The following ENTREP2 variants were observed in gnomAD, a reference collection of about 807,000 sequenced individuals.
ENTREP2 encodes endosomal transmembrane epsin interactor 2.
the ENTREP2 span, among the ~76,000 whole-genome samples, chr15:29,525,632 G>A: frequency 6.6e-6 from 1 of 152,204 alleles, no homozygotes; most frequent in Non-Finnish European, 1.5e-5. Context: ...AAAAAGGCCA[G>A]TCTCAAAAGG....
chr15:29,439,284 TACACACACACACACACACACAC>T, the ENTREP2 span, among the ~76,000 whole-genome samples: 10 of 97,090 alleles, frequency 1.0e-4, no homozygotes, highest in East Asian at 2.6e-4. Context: ...AAATTGGAAT[TACACACACACACACACACACAC>T]ACACACACAC....
At chr15:29,521,419 A>G in the ENTREP2 span, among the ~76,000 whole-genome samples, 4 of 152,248 alleles carry the variant, frequency 2.6e-5, no homozygotes, top group South Asian at 8.3e-4. Flanking sequence ...ATGTTAACAG[A>G]CAATTCTCCA....
the ENTREP2 span, among the ~76,000 whole-genome samples, chr15:29,160,470 T>G: frequency 9.1e-3 from 1,391 of 152,118 alleles, 18 homozygotes; most frequent in African/African-American, 0.031. Context: ...TCAGCACTTT[T>G]GGAGGCTAAG....
At chr15:29,553,764 C>G in the ENTREP2 span, among the ~76,000 whole-genome samples, 1 of 152,172 alleles carries the variant, frequency 6.6e-6, no homozygotes, top group South Asian at 2.1e-4. Context: ...GGCTGAGGCC[C>G]CAGCTGCCAG....
the ENTREP2 span, among the ~76,000 whole-genome samples, chr15:29,561,753 A>C: frequency 1.3e-5 from 2 of 151,904 alleles, no homozygotes; most frequent in Non-Finnish European, 2.9e-5. Context: ...GGAAATATAA[A>C]ATTATGACTT....
chr15:29,278,102 C>T, the ENTREP2 span, among the ~76,000 whole-genome samples: 9 of 152,118 alleles, frequency 5.9e-5, no homozygotes, highest in Non-Finnish European at 7.4e-5. Flanking sequence ...ACACAGGCCC[C>T]GCCTCTCTGA....
chr15:29,252,404 A>G, the ENTREP2 span: 1 of 1,551,348 alleles, frequency 6.4e-7, no homozygotes, highest in Admixed American at 2.0e-5. Flanking sequence ...CTAGCTGAGC[A>G]TTCTGACAAG....
At chr15:29,330,835 T>C in the ENTREP2 span, among the ~76,000 whole-genome samples, 1 of 152,250 alleles carries the variant, frequency 6.6e-6, no homozygotes, top group Non-Finnish European at 1.5e-5. Context: ...CTGGGAATTC[T>C]TTACACTATC....
At chr15:29,351,333 G>A in the ENTREP2 span, among the ~76,000 whole-genome samples, 2 of 152,164 alleles carry the variant, frequency 1.3e-5, no homozygotes, top group East Asian at 1.9e-4. Context: ...GTCTGTCATC[G>A]ATGGACCATT....
chr15:29,418,856 G>A, the ENTREP2 span, among the ~76,000 whole-genome samples: 1 of 152,240 alleles, frequency 6.6e-6, no homozygotes, highest in East Asian at 1.9e-4. Flanking sequence ...CCAGTTCTGG[G>A]GGAAACCCCA....
the ENTREP2 span, among the ~76,000 whole-genome samples, chr15:29,634,164 C>G: frequency 3.7e-4 from 57 of 152,188 alleles, no homozygotes; most frequent in African/African-American, 1.2e-3. Flanking sequence ...CAAGTGCCTG[C>G]TGTAGGGGAG....
the ENTREP2 span, among the ~76,000 whole-genome samples, chr15:29,440,883 G>A: frequency 6.6e-5 from 10 of 152,192 alleles, no homozygotes; most frequent in African/African-American, 2.2e-4. Flanking sequence ...CAGCCACACT[G>A]TCTCCCCATC....
the ENTREP2 span, chr15:29,610,217 C>T: frequency 6.6e-6 from 1 of 150,616 alleles, no homozygotes; most frequent in African/African-American, 2.4e-5. Flanking sequence ...ACGTACCATC[C>T]AATCTTTGTC....
At chr15:29,438,526 G>T in the ENTREP2 span, among the ~76,000 whole-genome samples, 2 of 151,932 alleles carry the variant, frequency 1.3e-5, no homozygotes, top group Non-Finnish European at 2.9e-5. Context: ...TGGAAATGCC[G>T]CAGCTGACCA....
chr15:29,202,907 C>G, the ENTREP2 span, among the ~76,000 whole-genome samples: 9 of 152,138 alleles, frequency 5.9e-5, no homozygotes, highest in Non-Finnish European at 1.3e-4. Context: ...TGGGTTGGTT[C>G]CAAGTCTTTG....
At chr15:29,510,422 T>C in the ENTREP2 span, among the ~76,000 whole-genome samples, 39,879 of 152,078 alleles carry the variant, frequency 0.26, 5,569 homozygotes, top group East Asian at 0.38. Context: ...GGATTATAAA[T>C]CATTCTACTA....
the ENTREP2 span, among the ~76,000 whole-genome samples, chr15:29,659,377 G>A: frequency 1.4e-4 from 22 of 152,226 alleles, no homozygotes; most frequent in Admixed American, 5.9e-4. Context: ...AGGCTGAGGC[G>A]GAAGAGTTGC....
the ENTREP2 span, among the ~76,000 whole-genome samples, chr15:29,155,049 A>G: frequency 4.7e-4 from 72 of 151,640 alleles, 1 homozygote; most frequent in Non-Finnish European, 7.4e-4. Context: ...TTGGGAGGCC[A>G]AGGTGGGTGG....
chr15:29,390,741 A>C, the ENTREP2 span, among the ~76,000 whole-genome samples: 1 of 152,174 alleles, frequency 6.6e-6, no homozygotes, highest in Admixed American at 6.5e-5. Flanking sequence ...TAACACTGAA[A>C]AGTTCTTTTA....
Sources: allele counts gnomAD v4.1 joint callset (sites outside exome capture counted in the v4.1 genomes callset), GRCh38; gene constraint gnomAD v4.1.1; transcripts MANE v1.5; gene names NCBI Gene and HGNC (gene_info 2026-07-23, HGNC 2026-07-21).